FREM3: variants seen among roughly 807,000 people sequenced by gnomAD.
FREM3 encodes FRAS1 related extracellular matrix 3, also known as FRAS1-related extracellular matrix protein 3.
A neutral mutation model predicts 129.1 loss-of-function variants in FREM3; 105 were observed. The observed-to-expected ratio is 0.81, with a 90% CI of 0.69 to 0.96. FREM3 has a LOEUF of 0.96. Among genes scored for constraint, FREM3 ranks in the 40% least tolerant of loss-of-function variants. The pLI is 0.00. For synonymous variants in FREM3, 1,014 were observed against 1,044.9 expected, an observed-to-expected ratio of 0.97 and a Z score of 0.57; for missense variants, 2,593 against 2,666.3, an observed-to-expected ratio of 0.97 and a Z score of 0.61.
chr4:143,661,199 A>C (rs1445515672), intron 2 of FREM3, among the ~76,000 whole-genome samples: 8 of 152,204 alleles, frequency 5.3e-5, no homozygotes, highest in Non-Finnish European at 1.2e-4. Flanking sequence ...TTGCCCATTC[A>C]GTATGATATT....
Position 143,577,579 on chromosome 4 carries a change from A to G in FREM3, c.*32T>C. On this transcript the variant is annotated 3_prime_UTR_variant, in exon 8 of 8. Coordinates refer to ENST00000329798, the MANE Select transcript of FREM3 (RefSeq NM_001168235.2). ...GTTTCATTCTGTTGTTAGGAGACAT[A>G]TCTTGGCTGTTTTTTTCCCTCTTAA... 6.6e-7 allele frequency: 1 copy of G among 1,524,822 alleles called. No individual in the cohort carries two copies. Among genetic ancestry groups the G allele is most frequent in the East Asian group, 2.5e-5 (1 of 40,796 alleles). 94.5% of individuals were successfully genotyped at this position (1,524,822 alleles called of 1,614,324 possible).
intron 2 of FREM3, among the ~76,000 whole-genome samples, chr4:143,632,009 AT>A (rs1445378008): frequency 1.3e-5 from 2 of 152,266 alleles, no homozygotes; most frequent in Admixed American, 1.3e-4. Context: ...TGGCTTGACA[AT>A]TATAATAAAA....
At position 143,696,451 on chromosome 4, in the gene FREM3, T is replaced by C. The variant is rs1740571018; in HGVS notation, c.4225A>G (p.Thr1409Ala). ...ACATAGAAGTAGTGGTCTGTCAAAG[T>C]GTTAACCCCATCAGTAACATCAAAC... ...IKFDVTDGVN[T>A]LTDHYFYVTI... is the part of the protein sequence containing the mutation. Residue 1409 changes from threonine (T) to alanine (A), a missense_variant, in exon 1 of 8, where the codon ACT becomes GCT. Physicochemically the swap from Thr to Ala is moderately conservative, Grantham distance 58 (BLOSUM62 0). Transcript: ENST00000329798. 6.5e-7 allele frequency: 1 copy of C among 1,537,730 alleles called. No individual in the cohort carries two copies. Among genetic ancestry groups the C allele is most frequent in the Non-Finnish European group, 8.7e-7 (1 of 1,147,010 alleles).
At chr4:143,593,140 A>T (rs1303136196) in intron 6 of FREM3, among the ~76,000 whole-genome samples, 2 of 151,806 alleles carry the variant, frequency 1.3e-5, no homozygotes, top group African/African-American at 4.8e-5. Flanking sequence ...CATTTATCTA[A>T]TTTTTTTCAA....
chr4:143,675,937 T>C (rs1560868188), intron 2 of FREM3, among the ~76,000 whole-genome samples: 1 of 152,062 alleles, frequency 6.6e-6, no homozygotes, highest in Non-Finnish European at 1.5e-5. Context: ...ACCAGATGGA[T>C]TCACAGCCGA....
rs1740601436 is a variant in FREM3, at chr4:143,697,657, A to G, written c.3019T>C (p.Phe1007Leu). 1 of 1,537,828 alleles carries G rather than the reference A, an allele frequency of 6.5e-7. No individual in the cohort carries two copies. The highest frequency in any genetic ancestry group is 8.7e-7 in the Non-Finnish European group (1 of 1,147,046). Residue 1007 changes from phenylalanine to leucine, a missense_variant, in exon 1 of 8, where the codon TTC becomes CTC. By Grantham distance (22) the Phe-to-Leu change is conservative. Around this residue, in one of 2 missense-constraint regions of FREM3, gnomAD observed 2,276 missense variants for 2,267.2 expected, o/e 1.00. Coordinates refer to ENST00000329798, the MANE Select transcript of FREM3 (RefSeq NM_001168235.2). ...ILVNGLPTER[F>L]TQEDLINGRV... ...CCATTGATGAGATCCTCTTGGGTGA[A>G]TCGTTCTGTGGGCAAACCATTTACC...
Position 143,699,245 on chromosome 4 carries a change from T to A in FREM3, c.1431A>T (p.Arg477Ser). ...CCCCAAACACCACCAGCTGCCCATG[T>A]CTCAAGCCCCTGACTGCAGCCATTT... Reference protein sequence around the residue: ...EVKMAAVRGLRHGQLVVFGAP... With the variant: ...EVKMAAVRGLSHGQLVVFGAP... The change falls in exon 1 of 8, where the codon AGA becomes AGT. Residue 477 changes from arginine to serine, a missense_variant. Arg to Ser is a moderately radical substitution (Grantham distance 110). This residue lies in a region of FREM3 where 2,276 missense variants were observed against 2,267.2 expected (regional missense o/e 1.00). Coordinates refer to ENST00000329798, the MANE Select transcript of FREM3 (RefSeq NM_001168235.2). This position sits in a 1 kb window ranked among gnomAD's most constrained non-coding sequence, Gnocchi z 4.2. The A allele has an allele frequency of 1.3e-6, 2 of 1,537,298 alleles. No individual in the cohort carries two copies. Among genetic ancestry groups the A allele is most frequent in the Non-Finnish European group, 1.7e-6 (2 of 1,146,918 alleles).
At chr4:143,683,213 C>A (rs569355356) in intron 2 of FREM3, among the ~76,000 whole-genome samples, 2 of 152,114 alleles carry the variant, frequency 1.3e-5, no homozygotes, top group Admixed American at 6.5e-5. Flanking sequence ...CCGGACAGAG[C>A]GAGCAGGGGC....
At position 143,697,221 on chromosome 4, in the gene FREM3, A is replaced by G; in HGVS notation, c.3455T>C (p.Val1152Ala). Reference sequence around the variant, plus strand: ...CTCTACTCCCTTGTGAATACTCTGTACATAATTGATATGCCTCACTTGGAT... The same window carrying G: ...CTCTACTCCCTTGTGAATACTCTGTGCATAATTGATATGCCTCACTTGGAT... ...RDIQVRHINY[V>A]QSIHKGVEPQ... Residue 1152 changes from valine (V) to alanine (A), a missense_variant, in exon 1 of 8, where the codon GTA becomes GCA. Physicochemically the swap from Val to Ala is moderately conservative, Grantham distance 64. Around this residue, in one of 2 missense-constraint regions of FREM3, gnomAD observed 2,276 missense variants for 2,267.2 expected, o/e 1.00. Coordinates refer to ENST00000329798, the MANE Select transcript of FREM3 (RefSeq NM_001168235.2). The G allele has an allele frequency of 2.6e-6, 4 of 1,537,770 alleles. No individual in the cohort carries two copies. The highest frequency in any genetic ancestry group is 3.5e-6 in the Non-Finnish European group (4 of 1,146,970).
chr4:143,674,367 G>A (rs1230836654), intron 2 of FREM3, among the ~76,000 whole-genome samples: 1 of 152,136 alleles, frequency 6.6e-6, no homozygotes. Flanking sequence ...CACCAGGCCT[G>A]CCCTACAAGA....
intron 6 of FREM3, among the ~76,000 whole-genome samples, chr4:143,608,162 C>T (rs1738697129): frequency 6.6e-6 from 1 of 152,146 alleles, no homozygotes; most frequent in Non-Finnish European, 1.5e-5. Flanking sequence ...TCCGTTTTGC[C>T]ATGTAAAGTA....
intron 2 of FREM3, among the ~76,000 whole-genome samples, chr4:143,649,610 A>G (rs1739476613): frequency 6.6e-6 from 1 of 152,178 alleles, no homozygotes. Context: ...AGTTGAAGAT[A>G]TTCATGGCTT....
In FREM3 at chr4:143,654,475, T is replaced by G. The variant is rs568424443; in HGVS notation, c.5276-26715A>C. Among the ~76,000 whole-genome samples, 163 of 152,330 alleles carry G rather than the reference T, an allele frequency of 1.1e-3. 1 individual carries two copies. The South Asian group carries it at 0.031, about 29-fold the overall frequency. On this transcript the variant is annotated intron_variant, in intron 2 of 7. Transcript: ENST00000329798. ...AATGTAATAAAAGACGTTATTGAAA[T>G]GAGTGAGATGTATCTGCTAGGAAAG...
At chr4:143,670,342 T>C (rs1739944440) in intron 2 of FREM3, among the ~76,000 whole-genome samples, 1 of 152,168 alleles carries the variant, frequency 6.6e-6, no homozygotes, top group African/African-American at 2.4e-5. Context: ...TGAGTGAAAA[T>C]ACTTTTCACT....
At chr4:143,613,647 T>A (rs1277314596) in intron 5 of FREM3, among the ~76,000 whole-genome samples, 1 of 152,194 alleles carries the variant, frequency 6.6e-6, no homozygotes, top group Non-Finnish European at 1.5e-5. Context: ...AGCATACAAC[T>A]TTTGGAATGT....
At chr4:143,595,450 C>T (rs1738451969) in intron 6 of FREM3, among the ~76,000 whole-genome samples, 1 of 152,134 alleles carries the variant, frequency 6.6e-6, no homozygotes, top group Non-Finnish European at 1.5e-5. Context: ...TGAGCATCCC[C>T]TATGTGCTGT....
intron 2 of FREM3, among the ~76,000 whole-genome samples, chr4:143,647,973 A>C (rs967508489): frequency 6.6e-6 from 1 of 152,210 alleles, no homozygotes. Context: ...ACTCAATGCC[A>C]ACCCATGAAA....
intron 6 of FREM3, among the ~76,000 whole-genome samples, chr4:143,606,943 T>G (rs1222921351): frequency 6.6e-6 from 1 of 152,146 alleles, no homozygotes; most frequent in East Asian, 1.9e-4. Context: ...AAAAATTTTC[T>G]TAAGTTCGAA....
intron 6 of FREM3, among the ~76,000 whole-genome samples, chr4:143,603,326 G>A (rs1314426095): frequency 6.6e-6 from 1 of 152,128 alleles, no homozygotes; most frequent in Non-Finnish European, 1.5e-5. Flanking sequence ...TAAAGAGATT[G>A]TGTAATGTAC....
Sources: gnomAD v4.1 joint callset for allele counts (sites outside exome capture counted in the v4.1 genomes callset) on GRCh38, gnomAD v4.1.1 for gene constraint, gnomAD v4.1.1 regional missense constraint, Gnocchi (gnomAD v3.1) non-coding constraint, MANE v1.5 for transcripts, NCBI Gene and HGNC (gene_info 2026-07-23, HGNC 2026-07-21) for gene names.